The following SNX29 variants were observed in gnomAD, a reference collection of about 807,000 sequenced individuals.
The protein encoded by SNX29 is sorting nexin 29.
A neutral mutation model predicts 102.1 loss-of-function variants in SNX29; 78 were observed. That is an observed-to-expected ratio of 0.76 (90% CI 0.64 to 0.92). The LOEUF (loss-of-function observed/expected upper bound fraction) is 0.92. Among genes scored for constraint, SNX29 ranks in the 40% least tolerant of loss-of-function variants. The pLI is 0.00. For missense variants in SNX29, 1,280 were observed against 1,061.7 expected (o/e 1.21, Z -2.86); for synonymous variants, 580 against 414.5 (o/e 1.40, Z -4.85).
At chr16:12,031,352 G>C (rs1049229078) in intron 4 of SNX29, among the ~76,000 whole-genome samples, 2 of 151,920 alleles carry the variant, frequency 1.3e-5, no homozygotes, top group Non-Finnish European at 2.9e-5. Context: ...GATTACAGGC[G>C]TTAGCCACTG....
rs6498316 is a variant in SNX29, at chr16:12,527,195, C to T, written c.2318+2354C>T. 1.2e-3 allele frequency: 661 copies of T among 532,878 alleles called. 2 individuals are homozygous for T. The highest frequency in any genetic ancestry group is 0.01 in the African/African-American group (560 of 53,740). The allele number at this position is 532,878 out of a possible 1,614,324, so 33.0% of individuals were successfully genotyped here. A position where few individuals can be genotyped will look rare whatever the true frequency, so the allele number is the denominator to read the frequency against. On this transcript the variant is annotated intron_variant, in intron 20 of 20. Coordinates refer to ENST00000566228, the MANE Select transcript of SNX29 (RefSeq NM_032167.5). The stretch of plus-strand genomic sequence containing the variant: ...GGATGGGATTACAGGTCGGAATGTA[C>T]GGATTGTTTCATTTTGGGGTAATGA...
intron 17 of SNX29, among the ~76,000 whole-genome samples, chr16:12,400,235 G>A (rs12324983): frequency 0.023 from 3,468 of 152,232 alleles, 127 homozygotes; most frequent in African/African-American, 0.079. Flanking sequence ...CTCTGGCTTC[G>A]TTCCCAGCCT....
chr16:12,504,894 T>C (rs1055942194), intron 19 of SNX29, among the ~76,000 whole-genome samples: 2 of 152,216 alleles, frequency 1.3e-5, no homozygotes, highest in African/African-American at 4.8e-5. Flanking sequence ...TATTGTCAAA[T>C]AATATTTCAT....
chr16:12,269,844 C>T (rs983081371), intron 14 of SNX29, among the ~76,000 whole-genome samples: 1 of 108,422 alleles, frequency 9.2e-6, no homozygotes, highest in Non-Finnish European at 2.1e-5. Flanking sequence ...TCACCATCAT[C>T]ATCATCATCA....
chr16:12,558,564 G>C (rs533275769), intron 20 of SNX29, among the ~76,000 whole-genome samples: 3 of 152,122 alleles, frequency 2.0e-5, no homozygotes, highest in African/African-American at 4.8e-5. Context: ...TCAGTACCCC[G>C]TCCATGGTGG....
chr16:12,209,059 C>A (rs2077116873), intron 14 of SNX29, among the ~76,000 whole-genome samples: 1 of 152,114 alleles, frequency 6.6e-6, no homozygotes, highest in Non-Finnish European at 1.5e-5. Flanking sequence ...CTGTAAGGTG[C>A]TTTTGGCTTC....
At chr16:12,133,682 A>G (rs919743427) in intron 13 of SNX29, among the ~76,000 whole-genome samples, 2 of 152,208 alleles carry the variant, frequency 1.3e-5, no homozygotes, top group African/African-American at 2.4e-5. Flanking sequence ...TATTGGCTCA[A>G]TGTGCTTGAT....
chr16:12,387,438 C>G (rs970013983), intron 16 of SNX29, among the ~76,000 whole-genome samples: 1 of 152,100 alleles, frequency 6.6e-6, no homozygotes, highest in East Asian at 1.9e-4. Context: ...AGGTTCCCAT[C>G]CAAGCTGAGC....
chr16:12,188,822 G>A (rs1433389514), intron 13 of SNX29, among the ~76,000 whole-genome samples: 1 of 152,222 alleles, frequency 6.6e-6, no homozygotes, highest in Non-Finnish European at 1.5e-5. Flanking sequence ...AAGGAGGAAT[G>A]CAGACATCCT....
chr16:12,466,078 G>T (rs1481969835), intron 18 of SNX29, among the ~76,000 whole-genome samples: 1 of 152,150 alleles, frequency 6.6e-6, no homozygotes, highest in Non-Finnish European at 1.5e-5. Context: ...GCTCTAGGAT[G>T]AAGAACAAAA....
intron 20 of SNX29, among the ~76,000 whole-genome samples, chr16:12,535,856 C>T (rs1436192533): frequency 2.0e-5 from 3 of 152,072 alleles, no homozygotes; most frequent in Admixed American, 6.5e-5. Flanking sequence ...GCCATGGGAG[C>T]CCTATTGGTG....
chr16:12,560,142 C>CT (rs1050843961), intron 20 of SNX29, among the ~76,000 whole-genome samples: 2 of 47,644 alleles, frequency 4.2e-5, no homozygotes, highest in Non-Finnish European at 7.5e-5. Flanking sequence ...CCCTCCCCCC[C>CT]CCAACAAACA....
intron 14 of SNX29, among the ~76,000 whole-genome samples, chr16:12,251,726 C>G (rs1364300392): frequency 6.6e-6 from 1 of 151,988 alleles, no homozygotes; most frequent in Admixed American, 6.6e-5. Context: ...AAAACAAAAA[C>G]CAAACACAAA....
At chr16:12,364,889 C>T (rs80015990) in intron 16 of SNX29, among the ~76,000 whole-genome samples, 107 of 152,332 alleles carry the variant, frequency 7.0e-4, no homozygotes, top group Middle Eastern at 6.8e-3. Context: ...CACCTCCGCT[C>T]TCTCACTTGT....
At chr16:12,043,177 C>A (rs1377489061) in intron 5 of SNX29, 100 bp downstream of exon 5, 21 of 1,458,074 alleles carry the variant, frequency 1.4e-5, no homozygotes, top group African/African-American at 2.8e-5. Context: ...GTTCCCCGAT[C>A]TGGGGGAAGT....
chr16:12,129,729 G>A lies in SNX29; in HGVS notation c.1566G>A (p.Arg522=), dbSNP rs1320485754. ...LKRKVAEQEE[R]QGMKVQALAR... ...GGAAGGTGGCTGAACAGGAGGAGCGGCAGGGCATGAAGGTCCAGGCGCTGG... is the reference window on the plus strand; with the variant it reads ...GGAAGGTGGCTGAACAGGAGGAGCGACAGGGCATGAAGGTCCAGGCGCTGG... Residue 522 remains arginine, a synonymous_variant, in exon 13 of 21, where the codon CGG becomes CGA. Coordinates refer to ENST00000566228, the MANE Select transcript of SNX29 (RefSeq NM_032167.5). 2 of 1,609,594 alleles carry A rather than the reference G, an allele frequency of 1.2e-6. No individual in the cohort carries two copies. Among genetic ancestry groups the A allele is most frequent in the Non-Finnish European group, 1.7e-6 (2 of 1,178,990 alleles).
chr16:12,318,406 T>C (rs995974801), intron 15 of SNX29, among the ~76,000 whole-genome samples: 1 of 152,206 alleles, frequency 6.6e-6, no homozygotes, highest in Non-Finnish European at 1.5e-5. Context: ...TAGAGAGTGT[T>C]GGCTTTCTGC....
intron 20 of SNX29, among the ~76,000 whole-genome samples, chr16:12,540,382 C>G (rs889043614): frequency 2.0e-5 from 3 of 152,188 alleles, no homozygotes; most frequent in Admixed American, 6.5e-5. Context: ...GTTGCCCTAC[C>G]AAATTGGCAC....
At chr16:12,000,426 C>T (rs1345780449) in intron 2 of SNX29, 1 of 152,112 alleles carries the variant, frequency 6.6e-6, no homozygotes, top group Non-Finnish European at 1.5e-5. Context: ...TCTAGGAATT[C>T]TAGGAGCTTG....
Sources: allele counts gnomAD v4.1 joint callset (sites outside exome capture counted in the v4.1 genomes callset), GRCh38; gene constraint gnomAD v4.1.1; transcripts MANE v1.5; gene names NCBI Gene and HGNC (gene_info 2026-07-23, HGNC 2026-07-21).